ARHGAP15: variants seen among roughly 807,000 people sequenced by gnomAD.
ARHGAP15 encodes Rho GTPase activating protein 15.
Under a neutral mutation model 63.7 loss-of-function variants are expected in ARHGAP15, and 51 were observed. The ratio of observed to expected loss-of-function variants is 0.80; its 90% CI spans 0.64 to 1.01. ARHGAP15 has a LOEUF of 1.01. Among genes scored for constraint, ARHGAP15 ranks in the 50% least tolerant of loss-of-function variants. The probability of loss-of-function intolerance (pLI) is 0.00; values close to 1 mark genes in which losing one functional copy is unlikely to be tolerated. For missense variants in ARHGAP15, 560 were observed against 564.6 expected (o/e 0.99, Z 0.08); for synonymous variants, 191 against 193.8 (o/e 0.99, Z 0.12).
intron 3 of ARHGAP15, among the ~76,000 whole-genome samples, chr2:143,204,713 ACT>A (rs1692256724): frequency 6.6e-6 from 1 of 151,890 alleles, no homozygotes; most frequent in Non-Finnish European, 1.5e-5. Flanking sequence ...GCCCTAGAAG[ACT>A]CATCGACTTC....
intron 6 of ARHGAP15, among the ~76,000 whole-genome samples, chr2:143,425,306 CATTAA>C (rs912950283): frequency 6.5e-4 from 98 of 151,670 alleles, no homozygotes; most frequent in Middle Eastern, 3.4e-3. Flanking sequence ...ATAAAAATAC[CATTAA>C]ATTATCTCTA....
chr2:143,639,402 T>G (rs1378389629), intron 12 of ARHGAP15, among the ~76,000 whole-genome samples: 2 of 152,242 alleles, frequency 1.3e-5, no homozygotes, highest in East Asian at 3.9e-4. Context: ...GGAAAAATTT[T>G]TAAAAGTAAA....
chr2:143,743,449 A>G (rs1425023511), intron 13 of ARHGAP15, among the ~76,000 whole-genome samples: 1 of 151,906 alleles, frequency 6.6e-6, no homozygotes, highest in Non-Finnish European at 1.5e-5. Flanking sequence ...ATGGTGTTCT[A>G]TTGACTTGGA....
chr2:143,367,217 T>G (rs1023024138), intron 6 of ARHGAP15, among the ~76,000 whole-genome samples: 1 of 152,064 alleles, frequency 6.6e-6, no homozygotes, highest in African/African-American at 2.4e-5. Flanking sequence ...TTGTGGACAA[T>G]GAAGATCCCC....
In ARHGAP15 at chr2:143,339,170, G is replaced by T. The variant is rs201837456; in HGVS notation, c.474+88570G>T. On this transcript the variant is annotated intron_variant, in intron 6 of 13. Coordinates refer to ENST00000295095, the MANE Select transcript of ARHGAP15 (RefSeq NM_018460.4). ...GAGCAGGAAAGGGCCTGTTGTTTTT[G>T]TTGCTGTGGTTGTTGACTGTAGCGG... Among the ~76,000 whole-genome samples, 592 of 152,208 alleles carry T rather than the reference G, an allele frequency of 3.9e-3. 5 individuals carry two copies. The highest frequency in any genetic ancestry group is 0.013 in the African/African-American group (543 of 41,544).
chr2:143,679,022 A>G (rs1056847564), intron 12 of ARHGAP15, among the ~76,000 whole-genome samples: 5 of 152,318 alleles, frequency 3.3e-5, no homozygotes, highest in African/African-American at 1.2e-4. Flanking sequence ...TTTAAGAAAC[A>G]CTGCTTTGCT....
chr2:143,413,964 T>TGC lies in ARHGAP15; in HGVS notation c.475-21636_475-21635insCG, dbSNP rs1263567075. ...GTGTGTGTGTGTGTGTGTGTGTGTG[T>TGC]GTGCGCGCTCTCTGGCAGAAAGTTA... On this transcript the variant is annotated intron_variant, in intron 6 of 13. Transcript: ENST00000295095. 2.5e-4 allele frequency among the ~76,000 whole-genome samples: 17 copies of TGC among 67,048 alleles called. No homozygotes were observed. In the South Asian group the frequency reaches 2.8e-3, roughly 11 times the overall value. 44.0% of individuals were successfully genotyped at this position (67,048 alleles called of 152,430 possible).
rs577330841 is a variant in ARHGAP15, at chr2:143,496,045, C to T, written c.826+8550C>T. On this transcript the variant is annotated intron_variant, in intron 9 of 13. Transcript: ENST00000295095. ...AATTGAACTGTGATCTTTACGTGTGCGCTGTGTCATGATTTAATATTAGCC... is the reference window on the plus strand; with the variant it reads ...AATTGAACTGTGATCTTTACGTGTGTGCTGTGTCATGATTTAATATTAGCC... Among the ~76,000 whole-genome samples, 30 of 152,188 alleles carry T rather than the reference C, an allele frequency of 2.0e-4. No homozygotes were observed. In the Middle Eastern group the frequency reaches 0.01, roughly 52 times the overall value.
intron 10 of ARHGAP15, among the ~76,000 whole-genome samples, chr2:143,528,875 AT>A (rs1232653049): frequency 6.6e-6 from 1 of 152,072 alleles, no homozygotes; most frequent in Non-Finnish European, 1.5e-5. Flanking sequence ...ATTGGAGTCC[AT>A]GTGTTTGGCC....
intron 9 of ARHGAP15, among the ~76,000 whole-genome samples, chr2:143,512,881 G>C (rs903718481): frequency 1.3e-5 from 2 of 152,172 alleles, no homozygotes; most frequent in Non-Finnish European, 2.9e-5. Context: ...TTCCCAAATT[G>C]GCTGTCCCAG....
At chr2:143,249,651 A>C (rs1455491210) in intron 5 of ARHGAP15, among the ~76,000 whole-genome samples, 2 of 152,118 alleles carry the variant, frequency 1.3e-5, no homozygotes, top group African/African-American at 4.8e-5. Flanking sequence ...TTTAAAAAAT[A>C]ATTGGCGGTA....
intron 11 of ARHGAP15, among the ~76,000 whole-genome samples, chr2:143,599,172 T>C (rs537093634): frequency 1.3e-5 from 2 of 152,212 alleles, no homozygotes; most frequent in South Asian, 2.1e-4. Context: ...CTGGAAGAAT[T>C]GTTTGCTATG....
At chr2:143,749,424 C>T (rs895230903) in intron 13 of ARHGAP15, among the ~76,000 whole-genome samples, 7 of 152,158 alleles carry the variant, frequency 4.6e-5, no homozygotes, top group Non-Finnish European at 8.8e-5. Context: ...TCTCTTTATT[C>T]CATTCTCTTC....
intron 2 of ARHGAP15, among the ~76,000 whole-genome samples, chr2:143,176,243 A>G (rs946316163): frequency 6.6e-6 from 1 of 152,196 alleles, no homozygotes; most frequent in African/African-American, 2.4e-5. Flanking sequence ...GAGCAATTAT[A>G]TAAGAAAACT....
chr2:143,295,972 TCAC>T (rs1682616321), intron 6 of ARHGAP15, among the ~76,000 whole-genome samples: 2 of 151,960 alleles, frequency 1.3e-5, no homozygotes, highest in African/African-American at 2.4e-5. Context: ...TGCCTCGCTG[TCAC>T]CACATTTCTG....
chr2:143,401,098 CAAAA>C (rs1021925430), intron 6 of ARHGAP15, among the ~76,000 whole-genome samples: 2 of 150,680 alleles, frequency 1.3e-5, no homozygotes, highest in African/African-American at 4.9e-5. Flanking sequence ...AATGTGTAGA[CAAAA>C]AAAAGAGTAA....
intron 5 of ARHGAP15, among the ~76,000 whole-genome samples, chr2:143,233,001 A>G (rs1234289998): frequency 6.6e-6 from 1 of 152,170 alleles, no homozygotes; most frequent in Non-Finnish European, 1.5e-5. Flanking sequence ...CAACAAATAA[A>G]GCTAGTGTGA....
intron 13 of ARHGAP15, among the ~76,000 whole-genome samples, chr2:143,766,315 C>T (rs1686945132): frequency 6.6e-6 from 1 of 152,212 alleles, no homozygotes. Flanking sequence ...CAGGACGTAA[C>T]TCCTCCCTTT....
chr2:143,478,454 T>C (rs1446135614), intron 8 of ARHGAP15, among the ~76,000 whole-genome samples: 2 of 152,218 alleles, frequency 1.3e-5, no homozygotes, highest in Non-Finnish European at 2.9e-5. Flanking sequence ...ACCATCTCTC[T>C]ATGTCCTTAG....
Sources: gnomAD v4.1 joint callset for allele counts (sites outside exome capture counted in the v4.1 genomes callset) on GRCh38, gnomAD v4.1.1 for gene constraint, MANE v1.5 for transcripts, NCBI Gene and HGNC (gene_info 2026-07-23, HGNC 2026-07-21) for gene names.